B3GALT1: variants seen among roughly 807,000 people sequenced by gnomAD.
B3GALT1 encodes beta-1,3-galactosyltransferase 1.
In B3GALT1, 10 loss-of-function variants were observed where a neutral mutation model predicts 23.2. The observed-to-expected ratio is 0.43, with a 90% CI of 0.27 to 0.73. The LOEUF (loss-of-function observed/expected upper bound fraction) is 0.73. Ranked by LOEUF, B3GALT1 falls within the 30% of genes least tolerant of loss-of-function variation. The pLI, the probability that B3GALT1 is intolerant of heterozygous loss-of-function variation, is 0.21. For missense variants in B3GALT1, 299 were observed against 405.4 expected (o/e 0.74, Z 2.25); for synonymous variants, 156 against 141.5 (o/e 1.10, Z -0.73).
intron 3 of B3GALT1, among the ~76,000 whole-genome samples, chr2:167,681,042 A>G (rs1686520866): frequency 6.6e-6 from 1 of 152,214 alleles, no homozygotes; most frequent in African/African-American, 2.4e-5. Flanking sequence ...ACCAGAAAGC[A>G]TAAAACATGA....
intron 1 of B3GALT1, among the ~76,000 whole-genome samples, chr2:167,360,323 A>T (rs942312021): frequency 6.6e-6 from 1 of 152,200 alleles, no homozygotes; most frequent in Non-Finnish European, 1.5e-5. Context: ...GGAGTATTTT[A>T]AACATTGTTT....
chr2:167,666,609 A>G (rs2105478420), intron 3 of B3GALT1, among the ~76,000 whole-genome samples: 1 of 151,868 alleles, frequency 6.6e-6, no homozygotes, highest in Non-Finnish European at 1.5e-5. Flanking sequence ...GTCACTCAGG[A>G]CTTGCTTTAT....
At chr2:167,348,683 G>T (rs1012096452) in intron 1 of B3GALT1, among the ~76,000 whole-genome samples, 1 of 151,886 alleles carries the variant, frequency 6.6e-6, no homozygotes, top group Admixed American at 6.6e-5. Context: ...ATTCATTCAG[G>T]ATGTAAGGCA....
At chr2:167,698,190 G>A (rs1448728418) in intron 3 of B3GALT1, among the ~76,000 whole-genome samples, 1 of 152,074 alleles carries the variant, frequency 6.6e-6, no homozygotes, top group Non-Finnish European at 1.5e-5. Flanking sequence ...AAGAAGGAAA[G>A]TATTTTGAAA....
In B3GALT1 at chr2:167,445,998, G is replaced by T. The variant is rs548613706; in HGVS notation, c.-510-44179G>T. On this transcript the variant is annotated intron_variant, in intron 1 of 4. Transcript: ENST00000392690. The stretch of plus-strand genomic sequence containing the variant: ...GTTTGGCATGTTTTTGCAGTGGCTG[G>T]TACTGGTTGTTCCTTTCCATGTTTA... Among the ~76,000 whole-genome samples the T allele has an allele frequency of 3.3e-5, 5 of 152,172 alleles. No homozygotes were observed. The East Asian group carries it at 9.6e-4, about 29-fold the overall frequency.
At chr2:167,483,078 G>A (rs1008959928) in intron 1 of B3GALT1, among the ~76,000 whole-genome samples, 2 of 152,072 alleles carry the variant, frequency 1.3e-5, no homozygotes, top group Admixed American at 6.5e-5. Flanking sequence ...CAGATCACCT[G>A]AGGATGGGAG....
chr2:167,340,074 A>T (rs1271764785), intron 1 of B3GALT1, among the ~76,000 whole-genome samples: 1 of 152,210 alleles, frequency 6.6e-6, no homozygotes, highest in Non-Finnish European at 1.5e-5. Context: ...TTGTGAAAAC[A>T]GAGTGCATTT....
chr2:167,412,603 G>A (rs1574069120), intron 1 of B3GALT1, among the ~76,000 whole-genome samples: 1 of 152,146 alleles, frequency 6.6e-6, no homozygotes. Flanking sequence ...ACAAGGATGT[G>A]AAGCCACTGA....
At chr2:167,609,865 A>C (rs1028081978) in intron 2 of B3GALT1, among the ~76,000 whole-genome samples, 1 of 152,148 alleles carries the variant, frequency 6.6e-6, no homozygotes, top group Non-Finnish European at 1.5e-5. Flanking sequence ...AAGTGCAAGC[A>C]GGAAGAGAAT....
chr2:167,312,701 G>C (rs1044852438), intron 1 of B3GALT1, among the ~76,000 whole-genome samples: 12 of 151,962 alleles, frequency 7.9e-5, no homozygotes, highest in African/African-American at 2.9e-4. Context: ...TGTTTTCAAA[G>C]GAATATCTAA....
intron 2 of B3GALT1, among the ~76,000 whole-genome samples, chr2:167,576,589 C>A (rs1684393581): frequency 7.1e-6 from 1 of 140,860 alleles, no homozygotes; most frequent in Non-Finnish European, 1.5e-5. Context: ...CAATTCAGGG[C>A]AAAAGCCTTA....
At chr2:167,778,972 G>A (rs1688205582) in intron 3 of B3GALT1, among the ~76,000 whole-genome samples, 1 of 152,158 alleles carries the variant, frequency 6.6e-6, no homozygotes, top group South Asian at 2.1e-4. Flanking sequence ...TTGTAATAAG[G>A]TTTTTCTGTG....
At chr2:167,398,190 T>C (rs1455790865) in intron 1 of B3GALT1, among the ~76,000 whole-genome samples, 2 of 152,112 alleles carry the variant, frequency 1.3e-5, no homozygotes. Flanking sequence ...GATTAGTTCA[T>C]GCTAGTACTG....
intron 1 of B3GALT1, among the ~76,000 whole-genome samples, chr2:167,295,942 A>G (rs1678997001): frequency 6.6e-6 from 1 of 152,214 alleles, no homozygotes; most frequent in African/African-American, 2.4e-5. Context: ...GCATAAACAA[A>G]TGATGCAGAG....
intron 1 of B3GALT1, among the ~76,000 whole-genome samples, chr2:167,417,272 C>T (rs1270780053): frequency 2.0e-5 from 3 of 152,002 alleles, no homozygotes; most frequent in Admixed American, 2.0e-4. Flanking sequence ...AATGGATTGT[C>T]ACAGGAATAG....
At chr2:167,546,479 T>C (rs950674713) in intron 2 of B3GALT1, among the ~76,000 whole-genome samples, 1 of 152,170 alleles carries the variant, frequency 6.6e-6, no homozygotes, top group Non-Finnish European at 1.5e-5. Context: ...TTAGGCTGTG[T>C]GGTGACCGAA....
chr2:167,678,339 T>C (rs893764201), intron 3 of B3GALT1, among the ~76,000 whole-genome samples: 2 of 152,208 alleles, frequency 1.3e-5, no homozygotes, highest in Non-Finnish European at 2.9e-5. Context: ...GTACTGATAG[T>C]GTCCCCATTT....
chr2:167,355,168 C>T (rs917833748), intron 1 of B3GALT1, among the ~76,000 whole-genome samples: 1 of 152,188 alleles, frequency 6.6e-6, no homozygotes, highest in African/African-American at 2.4e-5. Flanking sequence ...GTTTCTTTAC[C>T]TCTTTCTCTT....
chr2:167,832,948 G>A (rs1041963436), intron 4 of B3GALT1, among the ~76,000 whole-genome samples: 3 of 152,202 alleles, frequency 2.0e-5, no homozygotes, highest in Admixed American at 6.5e-5. Context: ...AGCAGGGAAC[G>A]AGCCAGGGCC....
Sources: allele counts gnomAD v4.1 joint callset (sites outside exome capture counted in the v4.1 genomes callset), GRCh38; gene constraint gnomAD v4.1.1; transcripts MANE v1.5; gene names NCBI Gene and HGNC (gene_info 2026-07-23, HGNC 2026-07-21).